FBXO34: variants seen among roughly 807,000 people sequenced by gnomAD.
FBXO34 encodes F-box only protein 34.
In FBXO34, 12 loss-of-function variants were observed where a neutral mutation model predicts 24.5. That is an observed-to-expected ratio of 0.49 (90% CI 0.31 to 0.79). The LOEUF (loss-of-function observed/expected upper bound fraction) is 0.79, where lower values mean the gene tolerates loss of function less well. FBXO34 is among the 30% of genes least tolerant of loss of function. FBXO34 has a pLI of 0.04. For missense variants in FBXO34, 823 were observed against 857.7 expected, an observed-to-expected ratio of 0.96 and a Z score of 0.51; for synonymous variants, 320 against 311.9, an observed-to-expected ratio of 1.03 and a Z score of -0.27.
chr14:55,287,677 A>G (rs1881807810), intron 1 of FBXO34, among the ~76,000 whole-genome samples: 1 of 152,178 alleles, frequency 6.6e-6, no homozygotes. Context: ...ATCAGAATCG[A>G]TTGAGGGACC....
chr14:55,408,204 G>A, the FBXO34 span, among the ~76,000 whole-genome samples: 40 of 151,938 alleles, frequency 2.6e-4, no homozygotes, highest in African/African-American at 9.4e-4. Context: ...TGTAATTCCC[G>A]CACTTGGGGA....
chr14:55,344,890 C>T (rs934470759), intron 1 of FBXO34, among the ~76,000 whole-genome samples: 8 of 152,118 alleles, frequency 5.3e-5, no homozygotes, highest in African/African-American at 1.2e-4. Context: ...CCTTCTGACA[C>T]GTATAACATT....
downstream of FBXO34, among the ~76,000 whole-genome samples, chr14:55,358,122 G>A (rs74379167): frequency 0.014 from 2,150 of 152,142 alleles, 58 homozygotes; most frequent in African/African-American, 0.049. Flanking sequence ...CTGCTACAGG[G>A]TGTGTGGCCT....
chr14:55,345,039 G>A (rs1027094685), intron 1 of FBXO34, among the ~76,000 whole-genome samples: 1 of 152,124 alleles, frequency 6.6e-6, no homozygotes, highest in Non-Finnish European at 1.5e-5. Context: ...ACTCACTCCT[G>A]TAATCCCAAT....
chr14:55,273,710 G>T (rs1881237169), intron 1 of FBXO34, among the ~76,000 whole-genome samples: 1 of 152,316 alleles, frequency 6.6e-6, no homozygotes, highest in East Asian at 1.9e-4. Context: ...TAATGCAATT[G>T]AAGGAGGTCC....
chr14:55,355,735 CACTCA>C (rs1393221818), downstream of FBXO34, among the ~76,000 whole-genome samples: 9 of 152,242 alleles, frequency 5.9e-5, no homozygotes, highest in Non-Finnish European at 1.0e-4. Context: ...CCACCCACTG[CACTCA>C]ACTCAGAGGG....
chr14:55,299,424 G>T (rs111827196), intron 1 of FBXO34, among the ~76,000 whole-genome samples: 8 of 151,778 alleles, frequency 5.3e-5, no homozygotes, highest in African/African-American at 1.9e-4. Flanking sequence ...CGGGGCACGG[G>T]GGCTGTGGGG....
At chr14:55,380,973 A>G in the FBXO34 span, among the ~76,000 whole-genome samples, 1 of 150,580 alleles carries the variant, frequency 6.6e-6, no homozygotes, top group Non-Finnish European at 1.5e-5. Flanking sequence ...TGTGAACCTG[A>G]TAACGTAATA....
the FBXO34 span, among the ~76,000 whole-genome samples, chr14:55,415,557 A>G: frequency 1.3e-5 from 2 of 152,226 alleles, no homozygotes; most frequent in Non-Finnish European, 2.9e-5. Context: ...ATGCCCGTCA[A>G]TGGATGGATA....
chr14:55,428,918 C>G, the FBXO34 span: 1 of 1,614,152 alleles, frequency 6.2e-7, no homozygotes, highest in Non-Finnish European at 8.5e-7. Context: ...GGCAGGGAAC[C>G]CAAGCTTCTG....
chr14:55,361,374 G>A (rs1163357643), intron 3 of FBXO34, among the ~76,000 whole-genome samples: 1 of 152,212 alleles, frequency 6.6e-6, no homozygotes, highest in Non-Finnish European at 1.5e-5. Context: ...AAACCATGCT[G>A]TAAACAGATG....
chr14:55,297,288 C>G (rs936188458), intron 1 of FBXO34, among the ~76,000 whole-genome samples: 2 of 152,194 alleles, frequency 1.3e-5, no homozygotes, highest in Non-Finnish European at 2.9e-5. Flanking sequence ...TTCTTTTTAA[C>G]TCCTATGTCA....
chr14:55,284,050 G>GT (rs1231293404), intron 1 of FBXO34, among the ~76,000 whole-genome samples: 3 of 151,948 alleles, frequency 2.0e-5, no homozygotes, highest in Admixed American at 6.6e-5. Flanking sequence ...TCAGACTGCA[G>GT]TGCAGTGGCA....
chr14:55,299,320 T>A, intron 1 of FBXO34: 1 of 480,996 alleles, frequency 2.1e-6, no homozygotes, highest in Middle Eastern at 4.5e-4. Context: ...CTCTCGACTC[T>A]CACTCCAAAG....
At chr14:55,306,818 G>A (rs1291344695) in intron 1 of FBXO34, among the ~76,000 whole-genome samples, 2 of 131,368 alleles carry the variant, frequency 1.5e-5, no homozygotes, top group African/African-American at 5.8e-5. Context: ...GGGTGACAAA[G>A]CGAGACTCCA....
At chr14:55,422,508 C>T in the FBXO34 span, among the ~76,000 whole-genome samples, 411 of 152,244 alleles carry the variant, frequency 2.7e-3, 2 homozygotes, top group African/African-American at 9.0e-3. Context: ...CTCGGCCTCC[C>T]GAAGTGCTAG....
In FBXO34 at chr14:55,351,670, T is replaced by C; in HGVS notation, c.1280T>C (p.Leu427Ser). ...SSHTYSQASE[L>S]PTDAVDCMSR... The stretch of plus-strand genomic sequence containing the variant: ...CATACCTATTCCCAAGCCTCTGAAT[T>C]GCCCACAGATGCTGTTGATTGTATG... The change falls in exon 2 of 2, where the codon TTG becomes TCG. Residue 427 changes from leucine (L) to serine (S), a missense_variant. Around this residue, in one of 2 missense-constraint regions of FBXO34, gnomAD observed 693 missense variants for 659.1 expected, o/e 1.05. Transcript: ENST00000313833. The C allele has an allele frequency of 6.2e-7, 1 of 1,614,192 alleles. No individual in the cohort carries two copies. Among genetic ancestry groups the C allele is most frequent in the Middle Eastern group, 1.6e-4 (1 of 6,062 alleles).
At chr14:55,380,247 C>T in the FBXO34 span, among the ~76,000 whole-genome samples, 1 of 134,484 alleles carries the variant, frequency 7.4e-6, no homozygotes, top group Non-Finnish European at 1.6e-5. Flanking sequence ...GACTCTGTCT[C>T]AAAACAACAA....
At chr14:55,420,916 C>T in the FBXO34 span, among the ~76,000 whole-genome samples, 1 of 151,868 alleles carries the variant, frequency 6.6e-6, no homozygotes, top group Non-Finnish European at 1.5e-5. Context: ...AAAAAATTAG[C>T]TGGGCATAGT....
Sources: gnomAD v4.1 joint callset for allele counts (sites outside exome capture counted in the v4.1 genomes callset) on GRCh38, gnomAD v4.1.1 for gene constraint, gnomAD v4.1.1 regional missense constraint, MANE v1.5 for transcripts, NCBI Gene and HGNC (gene_info 2026-07-23, HGNC 2026-07-21) for gene names.